Variants in TRDN observed in about 807,000 individuals in gnomAD.
TRDN encodes triadin in skeletal muscle.
A neutral mutation model predicts 149.7 loss-of-function variants in TRDN; 161 were observed. The observed-to-expected ratio is 1.08, with a 90% confidence interval of 0.95 to 1.23. The LOEUF is 1.23. TRDN is among the 50% of genes most tolerant of loss of function. TRDN has a pLI of 0.00. For missense variants in TRDN, 896 were observed against 823.5 expected (o/e 1.09, Z -1.08); for synonymous variants, 294 against 250.5 (o/e 1.17, Z -1.64).
chr6:123,490,356 G>A (rs541579239), intron 9 of TRDN, among the ~76,000 whole-genome samples: 4 of 152,310 alleles, frequency 2.6e-5, no homozygotes, highest in Admixed American at 6.5e-5. Context: ...CTTAGAGAGC[G>A]TGGATACATC....
At chr6:123,511,132 T>C (rs1433860547) in intron 7 of TRDN, among the ~76,000 whole-genome samples, 1 of 152,202 alleles carries the variant, frequency 6.6e-6, no homozygotes, top group Non-Finnish European at 1.5e-5. Flanking sequence ...TTTAAGTCTT[T>C]AATTCAGTTT....
At chr6:123,346,469 C>T (rs1408903625) in intron 21 of TRDN, among the ~76,000 whole-genome samples, 1 of 151,596 alleles carries the variant, frequency 6.6e-6, no homozygotes, top group Non-Finnish European at 1.5e-5. Flanking sequence ...GTATTGTAAT[C>T]TTTGTGATGG....
At chr6:123,478,003 A>G (rs990571723) in intron 9 of TRDN, among the ~76,000 whole-genome samples, 3 of 151,976 alleles carry the variant, frequency 2.0e-5, no homozygotes, top group Non-Finnish European at 4.4e-5. Flanking sequence ...GCACATGTAT[A>G]CGTATGTAAC....
chr6:123,554,445 G>A (rs192113181), intron 2 of TRDN, among the ~76,000 whole-genome samples: 1 of 152,088 alleles, frequency 6.6e-6, no homozygotes, highest in Non-Finnish European at 1.5e-5. Flanking sequence ...TAGACCTAAA[G>A]AAATAATTTT....
At chr6:123,234,981 G>A (rs1664103411) in intron 38 of TRDN, among the ~76,000 whole-genome samples, 2 of 152,078 alleles carry the variant, frequency 1.3e-5, no homozygotes, top group African/African-American at 2.4e-5. Context: ...AGGGGACTGT[G>A]AGAACATAAT....
intron 39 of TRDN, among the ~76,000 whole-genome samples, chr6:123,223,289 G>A (rs928168547): frequency 4.0e-5 from 6 of 151,644 alleles, no homozygotes; most frequent in Non-Finnish European, 7.4e-5. Flanking sequence ...CCTACCCAAC[G>A]GTTGAGAGTG....
intron 10 of TRDN, among the ~76,000 whole-genome samples, chr6:123,457,015 T>C (rs1309943364): frequency 6.6e-6 from 1 of 152,236 alleles, no homozygotes; most frequent in Non-Finnish European, 1.5e-5. Context: ...AAATGTTTTA[T>C]GAGAAAATTT....
intron 4 of TRDN, among the ~76,000 whole-genome samples, chr6:123,542,944 G>T (rs1349024533): frequency 1.5e-5 from 2 of 134,670 alleles, no homozygotes; most frequent in East Asian, 3.9e-4. Context: ...GGGTCTTTAT[G>T]AATAATTAAG....
At chr6:123,608,495 T>C (rs536047352) in intron 1 of TRDN, among the ~76,000 whole-genome samples, 1 of 152,322 alleles carries the variant, frequency 6.6e-6, no homozygotes, top group Admixed American at 6.5e-5. Context: ...TAAAGGGCTA[T>C]ATATTTCAAA....
At chr6:123,305,687 G>A (rs1778583558) in intron 24 of TRDN, among the ~76,000 whole-genome samples, 1 of 152,110 alleles carries the variant, frequency 6.6e-6, no homozygotes, top group Non-Finnish European at 1.5e-5. Flanking sequence ...TTATTATTAT[G>A]AGACTCTTAC....
chr6:123,435,531 A>G (rs1051985453), intron 12 of TRDN, among the ~76,000 whole-genome samples: 7 of 151,504 alleles, frequency 4.6e-5, no homozygotes, highest in African/African-American at 1.5e-4. Context: ...ACACAGACAC[A>G]CACAAACACA....
intron 1 of TRDN, among the ~76,000 whole-genome samples, chr6:123,589,012 A>G (rs1783651888): frequency 6.6e-6 from 1 of 152,206 alleles, no homozygotes; most frequent in African/African-American, 2.4e-5. Context: ...GATAAAAATT[A>G]ACAGGACCCA....
intron 1 of TRDN, among the ~76,000 whole-genome samples, chr6:123,575,975 A>G (rs1203467786): frequency 6.6e-6 from 1 of 152,152 alleles, no homozygotes. Context: ...ATTACATAAA[A>G]GCATTAATTA....
chr6:123,395,064 T>G (rs1772666059), intron 12 of TRDN, among the ~76,000 whole-genome samples: 1 of 152,180 alleles, frequency 6.6e-6, no homozygotes, highest in Non-Finnish European at 1.5e-5. Flanking sequence ...GATGTTTTAC[T>G]TCTTGGAGAT....
At chr6:123,435,392 T>A (rs1434209797) in intron 12 of TRDN, among the ~76,000 whole-genome samples, 1 of 152,074 alleles carries the variant, frequency 6.6e-6, no homozygotes, top group East Asian at 1.9e-4. Context: ...GCTTGAAACC[T>A]GCTGTTTGTA....
chr6:123,390,137 G>A (rs1039607785), intron 13 of TRDN, among the ~76,000 whole-genome samples: 2 of 152,020 alleles, frequency 1.3e-5, no homozygotes, highest in African/African-American at 4.8e-5. Context: ...TGCTCTGAAC[G>A]CTAAACTTCA....
chr6:123,310,307 G>A (rs958961682), intron 24 of TRDN, among the ~76,000 whole-genome samples: 2 of 151,948 alleles, frequency 1.3e-5, no homozygotes, highest in African/African-American at 2.4e-5. Flanking sequence ...TTGCTTGATA[G>A]GTACTATAGA....
intron 9 of TRDN, among the ~76,000 whole-genome samples, chr6:123,481,769 A>G (rs1009278943): frequency 6.6e-6 from 1 of 152,166 alleles, no homozygotes; most frequent in African/African-American, 2.4e-5. Context: ...AAGCAGAACA[A>G]TATCTTGAGA....
At chr6:123,437,425 AC>A in intron 12 of TRDN, 1 of 272,828 alleles carries the variant, frequency 3.7e-6, no homozygotes, top group South Asian at 3.3e-5. Context: ...GGATGAGGAG[AC>A]AGGGTCTTCC....
Sources: allele counts gnomAD v4.1 joint callset (sites outside exome capture counted in the v4.1 genomes callset), GRCh38; gene constraint gnomAD v4.1.1; transcripts MANE v1.5; gene names NCBI Gene and HGNC (gene_info 2026-07-23, HGNC 2026-07-21).